CHDH: variants seen among roughly 807,000 people sequenced by gnomAD.
CHDH encodes the protein choline dehydrogenase, also known as choline dehydrogenase, mitochondrial.
Under a neutral mutation model 56.9 loss-of-function variants are expected in CHDH, and 43 were observed. The observed-to-expected ratio is 0.76, with a 90% CI of 0.59 to 0.97. The LOEUF (loss-of-function observed/expected upper bound fraction) is 0.97. CHDH is among the 50% of genes least tolerant of loss of function. The pLI is 0.00. For synonymous variants in CHDH, 364 were observed against 348.5 expected, an observed-to-expected ratio of 1.04 and a Z score of -0.50; for missense variants, 816 against 821.1, an observed-to-expected ratio of 0.99 and a Z score of 0.08.
At chr3:53,822,272 C>G (rs73843327) in intron 4 of CHDH, among the ~76,000 whole-genome samples, 46 of 152,092 alleles carry the variant, frequency 3.0e-4, no homozygotes, top group African/African-American at 9.9e-4. Flanking sequence ...GCATGGCACA[C>G]AGGGGCACTG....
intron 1 of CHDH, among the ~76,000 whole-genome samples, chr3:53,843,206 G>GTTTTTTTTTTTTTTTTC (rs1263452743): frequency 8.1e-6 from 1 of 123,672 alleles, no homozygotes. Context: ...TTTTTTTTTG[G>GTTTTTTTTTTTTTTTTC]TTCTGCCTCT....
At chr3:53,845,126 G>A (rs1274276582) in intron 1 of CHDH, among the ~76,000 whole-genome samples, 1 of 152,228 alleles carries the variant, frequency 6.6e-6, no homozygotes, top group East Asian at 1.9e-4. Context: ...GGGGCTCAGG[G>A]TGGCCCAGTC....
chr3:53,827,174 G>A (rs1009097373), intron 2 of CHDH, among the ~76,000 whole-genome samples: 1 of 152,160 alleles, frequency 6.6e-6, no homozygotes, highest in African/African-American at 2.4e-5. Flanking sequence ...CACCAATGTT[G>A]GAAGAGGTGA....
In CHDH at chr3:53,821,716, T is replaced by C; in HGVS notation, c.916A>G (p.Met306Val). ...GGAINSPQLL[M>V]LSGIGNADDL... ...TCAGCATTCCCGATGCCAGAGAGCA[T>C]GAGCAGCTGTGGAGAGTTGATGGCA... Residue 306 changes from methionine to valine, a missense_variant, in exon 5 of 9, where the codon ATG (methionine) becomes GTG (valine). Met to Val is a conservative substitution (Grantham distance 21, BLOSUM62 1). Transcript: ENST00000315251. The C allele has an allele frequency of 6.2e-7, 1 of 1,613,986 alleles. No homozygotes were observed. Among genetic ancestry groups the C allele is most frequent in the East Asian group, 2.2e-5 (1 of 44,880 alleles).
intron 2 of CHDH, among the ~76,000 whole-genome samples, chr3:53,830,864 C>T (rs1698311986): frequency 6.6e-6 from 1 of 151,820 alleles, no homozygotes; most frequent in Non-Finnish European, 1.5e-5. Flanking sequence ...CCCACAGGAA[C>T]ACCAAGTTTG....
chr3:53,826,827 T>C (rs2095639919), intron 2 of CHDH, among the ~76,000 whole-genome samples: 1 of 152,196 alleles, frequency 6.6e-6, no homozygotes. Context: ...AATGACATGA[T>C]TGTCCATATA....
Position 53,812,561 on chromosome 3 carries a change from T to TTTTG in CHDH, c.*5212_*5215dup, listed in dbSNP as rs75548468. On this transcript the variant is annotated 3_prime_UTR_variant, in exon 9 of 9. Coordinates refer to ENST00000315251, the MANE Select transcript of CHDH (RefSeq NM_018397.5). ...CACCATGGGTTGCAACTGTCTTTGG[T>TTTTG]TTTGTTTGTTTGACTTGAACCACCC... The TTTTG allele has an allele frequency of 2.0e-5, 3 of 149,476 alleles. No homozygotes were observed. The highest frequency in any genetic ancestry group is 4.5e-5 in the Non-Finnish European group (3 of 67,342). 9.3% of individuals were successfully genotyped at this position (149,476 alleles called of 1,614,324 possible). A position where few individuals can be genotyped will look rare whatever the true frequency, so the allele number is the denominator to read the frequency against.
chr3:53,822,364 C>T, intron 4 of CHDH, 127 bp downstream of exon 4: 1 of 871,982 alleles, frequency 1.1e-6, no homozygotes, highest in Non-Finnish European at 1.7e-6. Flanking sequence ...CTCGCCCCTC[C>T]CCCCGCCATC....
intron 2 of CHDH, among the ~76,000 whole-genome samples, chr3:53,837,360 T>TG (rs1331326311): frequency 1.3e-5 from 2 of 152,260 alleles, no homozygotes; most frequent in Non-Finnish European, 2.9e-5. Context: ...CCTTGTGCCC[T>TG]GGCTGCTCGG....
At chr3:53,818,700 C>T (rs1576775371) in intron 8 of CHDH, among the ~76,000 whole-genome samples, 1 of 152,214 alleles carries the variant, frequency 6.6e-6, no homozygotes, top group Admixed American at 6.5e-5. Context: ...GCAGATTGTT[C>T]TGAAAGCTGA....
Position 53,817,724 on chromosome 3 carries a change from G to T in CHDH, c.*53C>A. The T allele has an allele frequency of 6.7e-7, 1 of 1,482,982 alleles. No homozygotes were observed. The highest frequency in any genetic ancestry group is 9.1e-7 in the Non-Finnish European group (1 of 1,096,842). The allele number at this position is 1,482,982 out of a possible 1,614,324, so 91.9% of individuals were successfully genotyped here. On this transcript the variant is annotated 3_prime_UTR_variant, in exon 9 of 9. Coordinates refer to ENST00000315251, the MANE Select transcript of CHDH (RefSeq NM_018397.5). The stretch of plus-strand genomic sequence containing the variant: ...GAGCCTGGGAGCAAGGGCTGTGCTG[G>T]CCCTCTTGGCTTATCAGGGGGCTTC...
rs1450207240 is a variant in CHDH, at chr3:53,815,016, A to G, written c.*2761T>C. ...TGCCTGCAACCTTCGCTACAAGCAG[A>G]AAGACTAGATGTTTGGGTGCCTACA... On this transcript the variant is annotated 3_prime_UTR_variant, in exon 9 of 9. Transcript: ENST00000315251. The G allele has an allele frequency of 6.6e-6, 1 of 152,158 alleles. No individual in the cohort carries two copies. The highest frequency in any genetic ancestry group is 1.5e-5 in the Non-Finnish European group (1 of 68,060). The allele number at this position is 152,158 out of a possible 1,614,324, so 9.4% of individuals were successfully genotyped here.
intron 1 of CHDH, among the ~76,000 whole-genome samples, chr3:53,845,628 G>C (rs924970952): frequency 6.6e-6 from 1 of 152,200 alleles, no homozygotes; most frequent in Admixed American, 6.5e-5. Flanking sequence ...ACGGGGGCGT[G>C]GGTGGAGGCT....
intron 4 of CHDH, 33 bp from the exon 5 acceptor site, chr3:53,821,809 A>G (rs758960990): frequency 1.1e-5 from 17 of 1,610,028 alleles, no homozygotes; most frequent in Non-Finnish European, 1.4e-5. Flanking sequence ...ACTCCCTGAA[A>G]AGCCAGCTGT....
intron 2 of CHDH, among the ~76,000 whole-genome samples, chr3:53,829,998 A>C (rs1234124097): frequency 6.6e-6 from 1 of 152,242 alleles, no homozygotes; most frequent in Admixed American, 6.5e-5. Context: ...TTACAAGAGC[A>C]CCAGGAAACA....
intron 2 of CHDH, among the ~76,000 whole-genome samples, chr3:53,832,797 T>A (rs1698378908): frequency 6.6e-6 from 1 of 151,500 alleles, no homozygotes; most frequent in Non-Finnish European, 1.5e-5. Flanking sequence ...AAACAAGGAG[T>A]TATTGTTTGG....
chr3:53,830,689 G>A (rs898636744), intron 2 of CHDH, among the ~76,000 whole-genome samples: 5 of 152,086 alleles, frequency 3.3e-5, no homozygotes, highest in Non-Finnish European at 7.4e-5. Flanking sequence ...TACAACAAGA[G>A]AATATACATT....
rs869307609 is a variant in CHDH, at chr3:53,816,133, G to GCCCCCCCCCCCCCC, written c.*1643_*1644insGGGGGGGGGGGGGG. The GCCCCCCCCCCCCCC allele has an allele frequency of 8.5e-5, 2 of 23,516 alleles. No homozygotes were observed. The highest frequency in any genetic ancestry group is 5.0e-4 in the Admixed American group (1 of 1,986). The allele number at this position is 23,516 out of a possible 1,614,324, so 1.5% of individuals were successfully genotyped here. On this transcript the variant is annotated 3_prime_UTR_variant, in exon 9 of 9. Transcript: ENST00000315251. ...GAAAACTAACTTGTGGCTGTCGGAC[G>GCCCCCCCCCCCCCC]CCCCCCCCCCCCGCCCCAGTCTGTA...
chr3:53,822,358 C>T, intron 4 of CHDH, 133 bp downstream of exon 4: 1 of 827,022 alleles, frequency 1.2e-6, no homozygotes. Context: ...CAGCTACTCG[C>T]CCCTCCCCCC....
Sources: allele counts gnomAD v4.1 joint callset (sites outside exome capture counted in the v4.1 genomes callset), GRCh38; gene constraint gnomAD v4.1.1; transcripts MANE v1.5; gene names NCBI Gene and HGNC (gene_info 2026-07-23, HGNC 2026-07-21).